EGFLAM: variants seen among roughly 807,000 people sequenced by gnomAD.
The protein encoded by EGFLAM is pikachurin.
EGFLAM carries 79 observed loss-of-function variants against 113.1 expected under a neutral mutation model. The observed-to-expected ratio is 0.70, with a 90% confidence interval of 0.58 to 0.84. The LOEUF is 0.84. Among genes scored for constraint, EGFLAM ranks in the 40% least tolerant of loss-of-function variants. The pLI, the probability that EGFLAM is intolerant of heterozygous loss-of-function variation, is 0.00. For synonymous variants in EGFLAM, 504 were observed against 487.6 expected (o/e 1.03, Z -0.44); for missense variants, 1,265 against 1,291.6 (o/e 0.98, Z 0.32).
At chr5:38,305,571 G>A in intron 1 of EGFLAM, 1 of 382,570 alleles carries the variant, frequency 2.6e-6, no homozygotes, top group South Asian at 2.0e-5. Flanking sequence ...ATGCTAGAAT[G>A]ACAAATATTT....
intron 1 of EGFLAM, among the ~76,000 whole-genome samples, chr5:38,321,916 AC>A (rs1738752955): frequency 6.6e-6 from 1 of 152,188 alleles, no homozygotes; most frequent in Non-Finnish European, 1.5e-5. Flanking sequence ...AAATTATTAG[AC>A]ACAATATTTT....
At chr5:38,435,455 G>A (rs933664433) in intron 16 of EGFLAM, among the ~76,000 whole-genome samples, 3 of 152,142 alleles carry the variant, frequency 2.0e-5, no homozygotes, top group South Asian at 2.1e-4. Flanking sequence ...GTCTATGCCC[G>A]GCAGACATTC....
intron 14 of EGFLAM, chr5:38,429,907 C>T: frequency 5.7e-6 from 1 of 174,232 alleles, no homozygotes; most frequent in Non-Finnish European, 1.3e-5. Flanking sequence ...ACTGCAGCTT[C>T]TCAAAGAACC....
chr5:38,394,501 C>T (rs2112094864), intron 6 of EGFLAM, among the ~76,000 whole-genome samples: 1 of 151,982 alleles, frequency 6.6e-6, no homozygotes, highest in Admixed American at 6.5e-5. Flanking sequence ...GCTGCGCCTC[C>T]CGGGTTCACG....
intron 6 of EGFLAM, among the ~76,000 whole-genome samples, chr5:38,396,013 C>G (rs538553125): frequency 2.5e-4 from 27 of 106,350 alleles, no homozygotes; most frequent in Non-Finnish European, 4.0e-4. Context: ...CATCTCCCTG[C>G]TTTCCTTCAA....
At chr5:38,433,832 G>C (rs1334232808) in intron 15 of EGFLAM, among the ~76,000 whole-genome samples, 2 of 152,166 alleles carry the variant, frequency 1.3e-5, no homozygotes, top group Non-Finnish European at 2.9e-5. Flanking sequence ...ATACTTCTTT[G>C]TTAACCTCCT....
chr5:38,267,498 A>G (rs567664325), intron 1 of EGFLAM, among the ~76,000 whole-genome samples: 2 of 152,330 alleles, frequency 1.3e-5, no homozygotes, highest in South Asian at 4.1e-4. Context: ...TTCTTGAGTG[A>G]GCAGATAAAT....
chr5:38,274,927 T>G (rs1169824519), intron 1 of EGFLAM, among the ~76,000 whole-genome samples: 2 of 152,134 alleles, frequency 1.3e-5, no homozygotes, highest in Non-Finnish European at 2.9e-5. Flanking sequence ...AAAATGTAAA[T>G]TGTGACATCA....
intron 19 of EGFLAM, among the ~76,000 whole-genome samples, chr5:38,456,116 T>G (rs1473098158): frequency 2.0e-5 from 3 of 152,178 alleles, no homozygotes; most frequent in Non-Finnish European, 4.4e-5. Context: ...CAAGCTGCAC[T>G]AAGTGCTGCC....
chr5:38,349,740 G>T (rs888698328), intron 3 of EGFLAM, among the ~76,000 whole-genome samples: 1 of 150,698 alleles, frequency 6.6e-6, no homozygotes, highest in South Asian at 2.1e-4. Context: ...GGGGCTTCCT[G>T]CTCAGGGCCC....
At chr5:38,419,049 C>T (rs946121716) in intron 12 of EGFLAM, among the ~76,000 whole-genome samples, 6 of 152,104 alleles carry the variant, frequency 3.9e-5, no homozygotes, top group Non-Finnish European at 8.8e-5. Flanking sequence ...AGGCCTCTCT[C>T]CTTGGCTTGC....
intron 3 of EGFLAM, among the ~76,000 whole-genome samples, chr5:38,344,688 T>G (rs537793330): frequency 1.3e-5 from 2 of 152,314 alleles, no homozygotes; most frequent in South Asian, 4.1e-4. Context: ...TGGCTTCACT[T>G]GATCAGAGGG....
rs184509840 is a variant in EGFLAM, at chr5:38,321,891, G to A, written c.98-15629G>A. ...CATTTGTCTTAAAAACCTACAAGTC[G>A]TTAAATAGGCTAACAAATTATTAGA... is the stretch of plus-strand genomic sequence containing the variant. On this transcript the variant is annotated intron_variant, in intron 1 of 21. Coordinates refer to ENST00000322350, the MANE Select transcript of EGFLAM (RefSeq NM_152403.4). 3.3e-4 allele frequency among the ~76,000 whole-genome samples: 50 copies of A among 152,280 alleles called. No homozygotes were observed. In the East Asian group the frequency reaches 8.3e-3, roughly 25 times the overall value.
At chr5:38,416,174 A>C (rs554463769) in intron 11 of EGFLAM, among the ~76,000 whole-genome samples, 2 of 152,330 alleles carry the variant, frequency 1.3e-5, no homozygotes, top group Non-Finnish European at 1.5e-5. Flanking sequence ...AGGACCACAG[A>C]TGTGGCTGTT....
chr5:38,354,981 C>T (rs1227508065), intron 5 of EGFLAM, among the ~76,000 whole-genome samples: 4 of 152,092 alleles, frequency 2.6e-5, no homozygotes, highest in Admixed American at 6.5e-5. Flanking sequence ...CTATTGGCAG[C>T]CGTGTGGCCC....
intron 1 of EGFLAM, among the ~76,000 whole-genome samples, chr5:38,278,196 T>G (rs761555072): frequency 6.6e-6 from 1 of 152,086 alleles, no homozygotes; most frequent in Non-Finnish European, 1.5e-5. Flanking sequence ...AACAGACACA[T>G]AGACCAGTGG....
chr5:38,295,053 C>T (rs1403802446), intron 1 of EGFLAM, among the ~76,000 whole-genome samples: 1 of 152,194 alleles, frequency 6.6e-6, no homozygotes, highest in Non-Finnish European at 1.5e-5. Context: ...TCTCGAACTC[C>T]TGACCTCAGG....
At chr5:38,445,339 A>G (rs1742671171) in intron 17 of EGFLAM, 1 of 256,798 alleles carries the variant, frequency 3.9e-6, no homozygotes, top group Non-Finnish European at 6.1e-6. Context: ...TCTAGATTTA[A>G]AAGAAATGCA....
chr5:38,455,003 G>A (rs1365373508), intron 19 of EGFLAM, among the ~76,000 whole-genome samples: 1 of 152,156 alleles, frequency 6.6e-6, no homozygotes, highest in Non-Finnish European at 1.5e-5. Context: ...GTTTCATTTT[G>A]TTTTGTGATT....
Sources: allele counts gnomAD v4.1 joint callset (sites outside exome capture counted in the v4.1 genomes callset), GRCh38; gene constraint gnomAD v4.1.1; transcripts MANE v1.5; gene names NCBI Gene and HGNC (gene_info 2026-07-23, HGNC 2026-07-21).